The following CADPS variants were observed in gnomAD, a reference collection of about 807,000 sequenced individuals.
CADPS encodes the protein calcium dependent secretion activator.
In CADPS, 57 loss-of-function variants were observed where a neutral mutation model predicts 167.3. The ratio of observed to expected loss-of-function variants is 0.34; its 90% CI spans 0.28 to 0.42. CADPS has a LOEUF of 0.42. Among genes scored for constraint, CADPS ranks in the 20% least tolerant of loss-of-function variants. The pLI, the probability that CADPS is intolerant of heterozygous loss-of-function variation, is 1.00. For missense variants in CADPS, 1,414 were observed against 1,738.1 expected (o/e 0.81, Z 3.32); for synonymous variants, 676 against 635.3 (o/e 1.06, Z -0.96).
intron 15 of CADPS, 76 bp from the exon 16 acceptor site, chr3:62,516,258 G>GA: frequency 5.8e-6 from 9 of 1,551,644 alleles, no homozygotes; most frequent in Non-Finnish European, 7.9e-6. Flanking sequence ...TTAGAAGCGT[G>GA]AAAGTTTAAA....
At chr3:62,474,379 G>C (rs1379267760) in intron 23 of CADPS, 59 bp from the exon 24 acceptor site, 8 of 1,527,662 alleles carry the variant, frequency 5.2e-6, no homozygotes, top group Non-Finnish European at 6.3e-6. Flanking sequence ...AGGTGGAGGA[G>C]ATATTTTCTG....
At chr3:62,776,498 CA>C (rs1371209200) in intron 1 of CADPS, among the ~76,000 whole-genome samples, 1 of 152,040 alleles carries the variant, frequency 6.6e-6, no homozygotes, top group Non-Finnish European at 1.5e-5. Context: ...ACTAAAAATA[CA>C]AAAAATTAGC....
At chr3:62,842,129 C>A (rs1319129782) in intron 1 of CADPS, among the ~76,000 whole-genome samples, 1 of 152,180 alleles carries the variant, frequency 6.6e-6, no homozygotes, top group Non-Finnish European at 1.5e-5. Flanking sequence ...GGACCTCATT[C>A]ATTATGGGTC....
intron 1 of CADPS, among the ~76,000 whole-genome samples, chr3:62,844,031 A>G (rs2077017426): frequency 6.6e-6 from 1 of 152,210 alleles, no homozygotes; most frequent in Non-Finnish European, 1.5e-5. Context: ...TCCAAATTGC[A>G]TAATCCAGAA....
intron 3 of CADPS, among the ~76,000 whole-genome samples, chr3:62,731,307 A>C (rs1347208764): frequency 6.6e-6 from 1 of 152,144 alleles, no homozygotes; most frequent in Non-Finnish European, 1.5e-5. Context: ...TTTAGTCCTT[A>C]CTTCTGCAGT....
rs377638000 is a variant in CADPS, at chr3:62,499,168, G to A, written c.2700C>T (p.His900=). 20 of 1,605,872 alleles carry A rather than the reference G, an allele frequency of 1.2e-5. No homozygotes were observed. Among genetic ancestry groups the A allele is most frequent in the Admixed American group, 8.3e-5 (5 of 59,990 alleles). ...TCCCACCAAGCCTGCTCACCTCTGC[G>A]TGGTGCTCCTCATTTTGCTGAAGAA... ...IEVLQQNEEH[H]AEPHVDKGEA... Residue 900 remains histidine, a synonymous_variant, in exon 18 of 30, where the codon CAC becomes CAT. Transcript: ENST00000383710.
At chr3:62,757,128 G>A (rs2084136355) in intron 2 of CADPS, among the ~76,000 whole-genome samples, 1 of 152,168 alleles carries the variant, frequency 6.6e-6, no homozygotes, top group Admixed American at 6.5e-5. Flanking sequence ...GGGACACTAA[G>A]GGGTTAAGCC....
intron 1 of CADPS, among the ~76,000 whole-genome samples, chr3:62,808,542 C>A (rs1421556971): frequency 6.6e-6 from 1 of 152,088 alleles, no homozygotes; most frequent in East Asian, 1.9e-4. Flanking sequence ...TGTATAATTT[C>A]TCTTAGGTTG....
intron 4 of CADPS, among the ~76,000 whole-genome samples, chr3:62,653,054 G>GC (rs1253616728): frequency 6.6e-6 from 1 of 152,102 alleles, no homozygotes; most frequent in African/African-American, 2.4e-5. Context: ...ATAACTAACA[G>GC]CCTTGTTTTC....
At chr3:62,860,364 G>C (rs1400822839) in intron 1 of CADPS, among the ~76,000 whole-genome samples, 1 of 152,148 alleles carries the variant, frequency 6.6e-6, no homozygotes, top group Non-Finnish European at 1.5e-5. Flanking sequence ...TATAATGACA[G>C]ATGATGATGA....
intron 1 of CADPS, among the ~76,000 whole-genome samples, chr3:62,776,313 T>C (rs2090285402): frequency 6.6e-6 from 1 of 152,054 alleles, no homozygotes; most frequent in Non-Finnish European, 1.5e-5. Context: ...CAAAGAATGG[T>C]GGGAAAGCAT....
intron 3 of CADPS, among the ~76,000 whole-genome samples, chr3:62,711,119 T>A (rs1346596665): frequency 6.6e-6 from 1 of 152,236 alleles, no homozygotes; most frequent in African/African-American, 2.4e-5. Context: ...CTTTTCAGTG[T>A]AAGGTTTTAA....
At chr3:62,474,090 A>G (rs1053554974) in intron 24 of CADPS, 83 bp downstream of exon 24, 1 of 910,554 alleles carries the variant, frequency 1.1e-6, no homozygotes, top group South Asian at 1.8e-5. Context: ...AGACTAGGGT[A>G]GATGGAAGGA....
chr3:62,621,122 T>C (rs1287594281), intron 6 of CADPS, among the ~76,000 whole-genome samples: 1 of 152,214 alleles, frequency 6.6e-6, no homozygotes, highest in Non-Finnish European at 1.5e-5. Context: ...GTAAAACTTC[T>C]GTGAATTAAA....
At chr3:62,615,578 G>A (rs900648539) in intron 6 of CADPS, among the ~76,000 whole-genome samples, 3 of 152,140 alleles carry the variant, frequency 2.0e-5, no homozygotes, top group Admixed American at 6.5e-5. Context: ...CATGAAGCAC[G>A]TCTGGGACCC....
chr3:62,474,226 C>T lies in CADPS; in HGVS notation c.3424G>A (p.Val1142Ile), dbSNP rs763771626. 2 of 1,524,272 alleles carry T rather than the reference C, an allele frequency of 1.3e-6. No individual in the cohort carries two copies. Among genetic ancestry groups the T allele is most frequent in the Non-Finnish European group, 8.8e-7 (1 of 1,134,098 alleles). The allele number at this position is 1,524,272 out of a possible 1,614,324, so 94.4% of individuals were successfully genotyped here. ...QSICTMFNVM[V>I]DAKAQSTKLC... ...TTTGTTGATTGAGCTTTGGCATCAACCATAACATTAAACATGGTGCATATT... is the reference window on the plus strand; with the variant it reads ...TTTGTTGATTGAGCTTTGGCATCAATCATAACATTAAACATGGTGCATATT... Residue 1142 changes from valine (V) to isoleucine (I), a missense_variant, in exon 24 of 30, where the codon GTT (valine) becomes ATT (isoleucine). Transcript: ENST00000383710.
chr3:62,670,395 A>G (rs1309620310), intron 3 of CADPS, among the ~76,000 whole-genome samples: 3 of 152,208 alleles, frequency 2.0e-5, no homozygotes, highest in African/African-American at 7.2e-5. Flanking sequence ...AGGAGATGAT[A>G]CTACCTAATC....
intron 1 of CADPS, among the ~76,000 whole-genome samples, chr3:62,810,216 T>C (rs1003753408): frequency 3.3e-5 from 5 of 152,174 alleles, no homozygotes; most frequent in Non-Finnish European, 7.3e-5. Flanking sequence ...CAGATGGACT[T>C]GAACTAAAAA....
rs905441658 is a variant in CADPS at position 62,729,916 on chromosome 3, C to G, written c.888+23525G>C. ...TCAGCTCTCCTTGTATTGAGTGAGT[C>G]TAGTTCTGGCCAGTGGGTTGTGAGA... On this transcript the variant is annotated intron_variant, in intron 3 of 29. Coordinates refer to ENST00000383710, the MANE Select transcript of CADPS (RefSeq NM_003716.4). 1.5e-4 allele frequency among the ~76,000 whole-genome samples: 22 copies of G among 151,710 alleles called. 1 individual carries two copies. Among genetic ancestry groups the G allele is most frequent in the African/African-American group, 4.1e-4 (17 of 41,028 alleles).
Sources: gnomAD v4.1 joint callset for allele counts (sites outside exome capture counted in the v4.1 genomes callset) on GRCh38, gnomAD v4.1.1 for gene constraint, MANE v1.5 for transcripts, NCBI Gene and HGNC (gene_info 2026-07-23, HGNC 2026-07-21) for gene names.